DOCK7: variants seen among roughly 807,000 people sequenced by gnomAD.
DOCK7 encodes the protein dedicator of cytokinesis protein 7.
In DOCK7, 138 loss-of-function variants were observed where a neutral mutation model predicts 271.0. That is an observed-to-expected ratio of 0.51 (90% CI 0.44 to 0.59). DOCK7 has a LOEUF of 0.59. Among genes scored for constraint, DOCK7 ranks in the 20% least tolerant of loss-of-function variants. The probability of loss-of-function intolerance (pLI) is 0.00; values close to 1 mark genes in which losing one functional copy is unlikely to be tolerated. For synonymous variants in DOCK7, 823 were observed against 876.1 expected, an observed-to-expected ratio of 0.94 and a Z score of 1.07; for missense variants, 2,066 against 2,592.4, an observed-to-expected ratio of 0.80 and a Z score of 4.41.
chr1:62,614,419 A>C (rs1652191460), intron 14 of DOCK7, among the ~76,000 whole-genome samples: 1 of 152,060 alleles, frequency 6.6e-6, no homozygotes, highest in African/African-American at 2.4e-5. Context: ...TAGAATAAAC[A>C]ACTTTTAATG....
At chr1:62,626,746 G>A (rs1057415155) in intron 11 of DOCK7, among the ~76,000 whole-genome samples, 1 of 151,992 alleles carries the variant, frequency 6.6e-6, no homozygotes, top group Admixed American at 6.6e-5. Context: ...TAAAGAGATC[G>A]AGTTAGTAAT....
intron 14 of DOCK7, 115 bp downstream of exon 14, chr1:62,618,587 GAGAT>G (rs1337289135): frequency 2.9e-5 from 24 of 842,082 alleles, no homozygotes; most frequent in Non-Finnish European, 3.9e-5. Context: ...TGTGCGGTAA[GAGAT>G]AGAGTTAAGT....
Position 62,455,361 on chromosome 1 carries a change from C to CT in DOCK7, c.*52dup, listed in dbSNP as rs1371268732. The stretch of plus-strand genomic sequence containing the variant: ...TTGTTTTCCAATAGATCTTTTCACA[C>CT]TCGATGTTGAATACATGGCTCTTTG... On this transcript the variant is annotated 3_prime_UTR_variant, in exon 50 of 50. Transcript: ENST00000635253. The CT allele has an allele frequency of 6.3e-7, 1 of 1,578,218 alleles. No individual in the cohort carries two copies. The highest frequency in any genetic ancestry group is 1.1e-5 in the South Asian group (1 of 90,202).
At chr1:62,580,585 T>C (rs1647084300) in intron 16 of DOCK7, among the ~76,000 whole-genome samples, 1 of 152,192 alleles carries the variant, frequency 6.6e-6, no homozygotes, top group Admixed American at 6.5e-5. Flanking sequence ...AAATTAAATA[T>C]CTAAGAGAGT....
intron 38 of DOCK7, chr1:62,496,046 G>A (rs575747788): frequency 2.6e-6 from 1 of 381,016 alleles, no homozygotes; most frequent in Admixed American, 4.6e-5. Context: ...GCATATTATT[G>A]TTTGATTAAT....
At chr1:62,674,764 A>C (rs1660364517) in intron 1 of DOCK7, among the ~76,000 whole-genome samples, 1 of 152,178 alleles carries the variant, frequency 6.6e-6, no homozygotes, top group Admixed American at 6.5e-5. Context: ...ACTAAAGATA[A>C]ATTTAGACCT....
At chr1:62,534,899 T>C (rs1453178348) in intron 29 of DOCK7, among the ~76,000 whole-genome samples, 1 of 152,080 alleles carries the variant, frequency 6.6e-6, no homozygotes, top group Non-Finnish European at 1.5e-5. Flanking sequence ...GAGACCAGCC[T>C]GGACAACATG....
intron 49 of DOCK7, among the ~76,000 whole-genome samples, chr1:62,456,097 A>G (rs1338311016): frequency 6.6e-6 from 1 of 152,152 alleles, no homozygotes; most frequent in African/African-American, 2.4e-5. Flanking sequence ...TTCCAATGTC[A>G]CATCTCAACC....
In DOCK7 at chr1:62,607,552, A is replaced by G. The variant is rs1017330199; in HGVS notation, c.1682+11154T>C. Among the ~76,000 whole-genome samples, 13 of 152,252 alleles carry G rather than the reference A, an allele frequency of 8.5e-5. No homozygotes were observed. The Middle Eastern group carries it at 0.017, about 199-fold the overall frequency. ...TAATTTTACGTCCCTCTCCCTGTCAATCTTCCGAAAAGGAATTTGTAATGG... is the reference window on the plus strand; with the variant it reads ...TAATTTTACGTCCCTCTCCCTGTCAGTCTTCCGAAAAGGAATTTGTAATGG... On this transcript the variant is annotated intron_variant, in intron 14 of 49. Transcript: ENST00000635253.
chr1:62,648,347 T>C (rs1557856823), intron 5 of DOCK7, 29 bp from the exon 6 acceptor site: 1 of 1,433,304 alleles, frequency 7.0e-7, no homozygotes, highest in Admixed American at 2.4e-5. Flanking sequence ...AATATAAATA[T>C]ATTAATTAAT....
At chr1:62,658,139 G>T (rs76809079) in intron 2 of DOCK7, among the ~76,000 whole-genome samples, 1 of 132,026 alleles carries the variant, frequency 7.6e-6, no homozygotes, top group Admixed American at 7.7e-5. Context: ...TTTAGACAAA[G>T]AAAAAAAAAA....
At chr1:62,473,573 G>GTTTTT (rs545898246) in intron 48 of DOCK7, among the ~76,000 whole-genome samples, 1 of 151,856 alleles carries the variant, frequency 6.6e-6, no homozygotes, top group Non-Finnish European at 1.5e-5. Context: ...CCGCTTTTCT[G>GTTTTT]TTTTTTTGTT....
At chr1:62,487,353 A>AAAATCAATCT in intron 43 of DOCK7, 45 bp downstream of exon 43, 1 of 1,587,748 alleles carries the variant, frequency 6.3e-7, no homozygotes, top group Non-Finnish European at 8.6e-7. Flanking sequence ...GAAATCTGAT[A>AAAATCAATCT]AAATCAATCT....
intron 14 of DOCK7, among the ~76,000 whole-genome samples, chr1:62,593,499 G>C (rs1451413611): frequency 6.6e-6 from 1 of 152,088 alleles, no homozygotes; most frequent in East Asian, 1.9e-4. Flanking sequence ...GAACCCAGGA[G>C]GGGGAAGTTG....
intron 14 of DOCK7, among the ~76,000 whole-genome samples, chr1:62,614,057 A>G (rs934793566): frequency 6.6e-6 from 1 of 152,042 alleles, no homozygotes; most frequent in Non-Finnish European, 1.5e-5. Context: ...GTGTACACAA[A>G]TATTTGTATA....
chr1:62,614,117 C>A (rs1049751139), intron 14 of DOCK7, among the ~76,000 whole-genome samples: 4 of 151,916 alleles, frequency 2.6e-5, no homozygotes, highest in Admixed American at 2.0e-4. Context: ...CTGAAACATT[C>A]CTGAGAAGGC....
chr1:62,573,122 T>C (rs1646837306), intron 18 of DOCK7, among the ~76,000 whole-genome samples: 1 of 152,138 alleles, frequency 6.6e-6, no homozygotes, highest in Non-Finnish European at 1.5e-5. Context: ...GGTTGCAAAT[T>C]CATGCAGTGA....
rs868267218 is a variant in DOCK7, at chr1:62,494,166, T to A, written c.5217+109A>T. ...TAATTCACCTTGTGAAGCATTGGCTTAAGTCTTTAAGCTTTCCTTATAAAC... is the reference window on the plus strand; with the variant it reads ...TAATTCACCTTGTGAAGCATTGGCTAAAGTCTTTAAGCTTTCCTTATAAAC... On this transcript the variant is annotated intron_variant, in intron 40 of 49. Transcript: ENST00000635253. 6 of 994,436 alleles carry A rather than the reference T, an allele frequency of 6.0e-6. No individual in the cohort carries two copies. The Middle Eastern group carries it at 1.8e-3, about 306-fold the overall frequency. 61.6% of individuals were successfully genotyped at this position (994,436 alleles called of 1,614,324 possible). A position where few individuals can be genotyped will look rare whatever the true frequency, so the allele number is the denominator to read the frequency against.
chr1:62,569,896 T>C (rs1646712858), intron 18 of DOCK7, among the ~76,000 whole-genome samples: 1 of 152,124 alleles, frequency 6.6e-6, no homozygotes, highest in African/African-American at 2.4e-5. Context: ...GTATCTTTAG[T>C]AGAGACGGGG....
Sources: allele counts gnomAD v4.1 joint callset (sites outside exome capture counted in the v4.1 genomes callset), GRCh38; gene constraint gnomAD v4.1.1; transcripts MANE v1.5; gene names NCBI Gene and HGNC (gene_info 2026-07-23, HGNC 2026-07-21).